Variants in MAP3K7CL observed in about 807,000 individuals in gnomAD.
MAP3K7CL encodes the protein MAP3K7 C-terminal-like protein.
Under a neutral mutation model 18.6 loss-of-function variants are expected in MAP3K7CL, and 16 were observed. The observed-to-expected ratio is 0.86, with a 90% CI of 0.58 to 1.31. The LOEUF is 1.31. MAP3K7CL is among the 50% of genes most tolerant of loss of function. The pLI, the probability that MAP3K7CL is intolerant of heterozygous loss-of-function variation, is 0.00. For missense variants in MAP3K7CL, 163 were observed against 174.4 expected (o/e 0.93, Z 0.37); for synonymous variants, 65 against 66.8 (o/e 0.97, Z 0.13).
upstream of MAP3K7CL, among the ~76,000 whole-genome samples, chr21:29,081,113 A>G (rs2085827822): frequency 6.6e-6 from 1 of 152,216 alleles, no homozygotes; most frequent in African/African-American, 2.4e-5. Flanking sequence ...CTAGAAATAC[A>G]AGAGGGCCTC....
upstream of MAP3K7CL, among the ~76,000 whole-genome samples, chr21:29,085,513 C>T (rs1280374825): frequency 1.5e-5 from 2 of 132,168 alleles, no homozygotes; most frequent in African/African-American, 2.8e-5. Context: ...TGCCACTGCA[C>T]TCCAGCCTGG....
intron 4 of MAP3K7CL, among the ~76,000 whole-genome samples, chr21:29,169,872 G>A (rs2087780972): frequency 6.6e-6 from 1 of 152,190 alleles, no homozygotes; most frequent in African/African-American, 2.4e-5. Flanking sequence ...GGCAACAGAT[G>A]AGCTATGGTG....
chr21:29,116,028 G>T (rs1195774824), intron 4 of MAP3K7CL, among the ~76,000 whole-genome samples: 1 of 152,188 alleles, frequency 6.6e-6, no homozygotes, highest in Admixed American at 6.5e-5. Flanking sequence ...TTTCTGCATA[G>T]TTTACTTATG....
chr21:29,145,992 G>A (rs1487307609), intron 2 of MAP3K7CL, among the ~76,000 whole-genome samples: 1 of 151,998 alleles, frequency 6.6e-6, no homozygotes, highest in African/African-American at 2.4e-5. Flanking sequence ...TTTCCACAAC[G>A]GGCCTCATTA....
chr21:29,139,021 C>T (rs970285647), intron 2 of MAP3K7CL, among the ~76,000 whole-genome samples: 2 of 152,104 alleles, frequency 1.3e-5, no homozygotes, highest in Admixed American at 6.6e-5. Context: ...ATGAATTAAT[C>T]GTATGACACT....
upstream of MAP3K7CL, among the ~76,000 whole-genome samples, chr21:29,084,887 A>G (rs2085897322): frequency 6.6e-6 from 1 of 152,224 alleles, no homozygotes; most frequent in Non-Finnish European, 1.5e-5. Flanking sequence ...TGAGATGAGT[A>G]AGAAAGTTTA....
At chr21:29,109,505 A>G (rs2086382837) in intron 4 of MAP3K7CL, 1 of 1,094,116 alleles carries the variant, frequency 9.1e-7, no homozygotes. Flanking sequence ...GTTGGCAGAG[A>G]TACAGGAATA....
chr21:29,141,428 G>A (rs1010853378), intron 2 of MAP3K7CL, among the ~76,000 whole-genome samples: 18 of 151,642 alleles, frequency 1.2e-4, no homozygotes, highest in Admixed American at 7.9e-4. Context: ...CAGGAGAATC[G>A]CTTGAACCTG....
At chr21:29,125,741 G>T (rs1444158209), upstream of MAP3K7CL, among the ~76,000 whole-genome samples, 3 of 152,202 alleles carry the variant, frequency 2.0e-5, no homozygotes, top group African/African-American at 7.2e-5. Context: ...ATTACTGCAA[G>T]TTAGCACTGC....
upstream of MAP3K7CL, chr21:29,085,710 C>A: frequency 1.5e-6 from 1 of 657,686 alleles, no homozygotes; most frequent in Non-Finnish European, 2.7e-6. Context: ...TGAAATGTTA[C>A]TGTATTTAAC....
At position 29,106,846 on chromosome 21, in the gene MAP3K7CL, A is replaced by G. The variant is rs7276208; in HGVS notation, c.370+14265A>G. ...ACTCTCCGCCCCTAGCCCCATCCTGAACACTTGTCTATTCTGCCAGTCCTT... is the reference window on the plus strand; with the variant it reads ...ACTCTCCGCCCCTAGCCCCATCCTGGACACTTGTCTATTCTGCCAGTCCTT... On this transcript the variant is annotated intron_variant, in intron 4 of 6. Coordinates refer to the MAP3K7CL transcript ENST00000286791. 4.5e-3 allele frequency among the ~76,000 whole-genome samples: 689 copies of G among 152,220 alleles called. 4 individuals carry two copies. Among genetic ancestry groups the G allele is most frequent in the African/African-American group, 0.016 (671 of 41,534 alleles).
intron 3 of MAP3K7CL, among the ~76,000 whole-genome samples, chr21:29,150,238 C>T (rs1275523173): frequency 6.6e-6 from 1 of 152,134 alleles, no homozygotes; most frequent in Non-Finnish European, 1.5e-5. Context: ...AAGAATGAGC[C>T]CTTCCGCAAG....
At chr21:29,129,194 T>TA (rs1320715929), upstream of MAP3K7CL, among the ~76,000 whole-genome samples, 1 of 152,244 alleles carries the variant, frequency 6.6e-6, no homozygotes, top group Non-Finnish European at 1.5e-5. Flanking sequence ...TATTCATTAT[T>TA]AGTCCATAGT....
At chr21:29,167,693 ATTTT>A (rs35549023) in intron 4 of MAP3K7CL, among the ~76,000 whole-genome samples, 122 of 107,464 alleles carry the variant, frequency 1.1e-3, no homozygotes, top group African/African-American at 1.4e-3. Flanking sequence ...AGAAGGACCA[ATTTT>A]TTTTTTTTTT....
intron 4 of MAP3K7CL, among the ~76,000 whole-genome samples, chr21:29,172,148 G>A (rs1368165635): frequency 6.7e-6 from 1 of 150,346 alleles, no homozygotes; most frequent in Non-Finnish European, 1.5e-5. Context: ...TTAATTCACA[G>A]TCCATATTCA....
intron 4 of MAP3K7CL, chr21:29,092,605 G>A: frequency 6.2e-7 from 1 of 1,611,340 alleles, no homozygotes; most frequent in Non-Finnish European, 8.5e-7. Context: ...CCACTTTCTG[G>A]AAGTCTCAGG....
At chr21:29,100,592 A>C (rs923475459) in intron 4 of MAP3K7CL, among the ~76,000 whole-genome samples, 1 of 151,200 alleles carries the variant, frequency 6.6e-6, no homozygotes, top group Non-Finnish European at 1.5e-5. Context: ...TAGTTAGATC[A>C]CAGAGTTGTT....
chr21:29,170,893 C>G (rs1006448911), intron 4 of MAP3K7CL, among the ~76,000 whole-genome samples: 1 of 151,202 alleles, frequency 6.6e-6, no homozygotes, highest in Non-Finnish European at 1.5e-5. Context: ...CCCGCCTCGG[C>G]CTCTCAAAGT....
Position 29,140,614 on chromosome 21 carries a change from TG to T in MAP3K7CL, c.70+7201del, listed in dbSNP as rs1409971733. On this transcript the variant is annotated intron_variant, in intron 2 of 4. Transcript: ENST00000399928. ...TTATAAGAGAAAGCTCAAAGCTTCT[TG>T]ACAACAAATAGCTTCCCGACAACAA... 3.0e-4 allele frequency among the ~76,000 whole-genome samples: 46 copies of T among 152,314 alleles called. No homozygotes were observed. In the Middle Eastern group the frequency reaches 0.01, roughly 34 times the overall value.
Sources: gnomAD v4.1 joint callset for allele counts (sites outside exome capture counted in the v4.1 genomes callset) on GRCh38, gnomAD v4.1.1 for gene constraint, MANE v1.5 for transcripts, NCBI Gene and HGNC (gene_info 2026-07-23, HGNC 2026-07-21) for gene names.